The following PDZD2 variants were observed in gnomAD, a reference collection of about 807,000 sequenced individuals.
The protein encoded by PDZD2 is PDZ domain-containing protein 2.
Under a neutral mutation model 220.7 loss-of-function variants are expected in PDZD2, and 90 were observed. The ratio of observed to expected loss-of-function variants is 0.41; its 90% CI spans 0.34 to 0.49. PDZD2 has a LOEUF of 0.49. Among genes scored for constraint, PDZD2 ranks in the 20% least tolerant of loss-of-function variants. The pLI, the probability that PDZD2 is intolerant of heterozygous loss-of-function variation, is 0.28. For synonymous variants in PDZD2, 1,375 were observed against 1,450.5 expected (o/e 0.95, Z 1.18); for missense variants, 3,174 against 3,608.5 (o/e 0.88, Z 3.08).
chr5:31,957,686 G>A (rs952370329), intron 2 of PDZD2, among the ~76,000 whole-genome samples: 6 of 152,046 alleles, frequency 3.9e-5, no homozygotes, highest in African/African-American at 7.2e-5. Context: ...TATTATTCCC[G>A]TAAGAGAACC....
At chr5:31,699,260 C>G (rs1747511580) in intron 1 of PDZD2, among the ~76,000 whole-genome samples, 2 of 152,038 alleles carry the variant, frequency 1.3e-5, no homozygotes, top group Admixed American at 1.3e-4. Context: ...AGAAAAATCT[C>G]AAGAAGGTGG....
chr5:31,829,098 T>C (rs735603), intron 2 of PDZD2, among the ~76,000 whole-genome samples: 97,873 of 151,882 alleles, frequency 0.64, 32,192 homozygotes, highest in Non-Finnish European at 0.68. Flanking sequence ...TTTTGGGGGC[T>C]TCCAAACTTG....
At chr5:31,695,431 C>T (rs1030455696) in intron 1 of PDZD2, among the ~76,000 whole-genome samples, 2 of 152,222 alleles carry the variant, frequency 1.3e-5, no homozygotes, top group East Asian at 3.8e-4. Flanking sequence ...AATCTGACCT[C>T]ACACTTGTAC....
intron 1 of PDZD2, among the ~76,000 whole-genome samples, chr5:31,684,317 C>G (rs982999561): frequency 6.6e-6 from 1 of 152,110 alleles, no homozygotes; most frequent in African/African-American, 2.4e-5. Flanking sequence ...CATCATCTAC[C>G]CAGTTACTTT....
intron 18 of PDZD2, among the ~76,000 whole-genome samples, chr5:32,075,016 T>G (rs533755851): frequency 6.6e-6 from 1 of 152,126 alleles, no homozygotes; most frequent in Non-Finnish European, 1.5e-5. Flanking sequence ...TTCACCATAT[T>G]GGTCAGGCTG....
At chr5:32,029,315 A>G (rs1808403) in intron 6 of PDZD2, among the ~76,000 whole-genome samples, 127,028 of 133,300 alleles carry the variant, frequency 0.95, 60,705 homozygotes, top group African/African-American at 0.97. Context: ...TGCCAAAGGT[A>G]GTATCAAGAA....
At chr5:31,709,798 A>C (rs549579042) in intron 1 of PDZD2, among the ~76,000 whole-genome samples, 13 of 152,290 alleles carry the variant, frequency 8.5e-5, no homozygotes, top group Non-Finnish European at 1.2e-4. Context: ...TCTACTAAAA[A>C]TACACACATT....
At chr5:31,789,830 A>G (rs1753597886) in intron 1 of PDZD2, among the ~76,000 whole-genome samples, 1 of 152,050 alleles carries the variant, frequency 6.6e-6, no homozygotes, top group South Asian at 2.1e-4. Flanking sequence ...AGGCAAGAAA[A>G]TCACTTGAAC....
At chr5:31,772,112 T>C (rs1018174746) in intron 1 of PDZD2, among the ~76,000 whole-genome samples, 2 of 152,120 alleles carry the variant, frequency 1.3e-5, no homozygotes, top group African/African-American at 4.8e-5. Flanking sequence ...GTTCAGTTCT[T>C]TGTCCTCCAT....
intron 1 of PDZD2, among the ~76,000 whole-genome samples, chr5:31,764,334 A>G (rs769042823): frequency 6.0e-4 from 91 of 152,248 alleles, no homozygotes; most frequent in Middle Eastern, 3.4e-3. Flanking sequence ...ACGCCCCTTC[A>G]TCTTTACTTT....
intron 2 of PDZD2, among the ~76,000 whole-genome samples, chr5:31,887,045 A>G (rs528718772): frequency 1.6e-4 from 24 of 152,292 alleles, no homozygotes; most frequent in African/African-American, 5.5e-4. Flanking sequence ...AACCAGTGCC[A>G]GGCTGTGCCA....
chr5:31,799,809 A>G, intron 2 of PDZD2, 85 bp downstream of exon 2: 1 of 838,186 alleles, frequency 1.2e-6, no homozygotes, highest in South Asian at 1.5e-5. Context: ...AGGTTTATGA[A>G]TCCTGCCAAT....
At chr5:31,957,406 T>TA (rs1379673380) in intron 2 of PDZD2, among the ~76,000 whole-genome samples, 2 of 152,204 alleles carry the variant, frequency 1.3e-5, no homozygotes, top group Non-Finnish European at 2.9e-5. Context: ...CCTGGGGTGT[T>TA]ACGGGGCTGA....
At chr5:32,100,536 A>G (rs1230898762) in intron 23 of PDZD2, 5 of 326,642 alleles carry the variant, frequency 1.5e-5, no homozygotes, top group African/African-American at 6.5e-5. Flanking sequence ...GAAGACAGCC[A>G]TAGCCAGGGG....
At chr5:32,091,228 T>C (rs1397076949) in intron 20 of PDZD2, 53 bp downstream of exon 20, 2 of 1,373,034 alleles carry the variant, frequency 1.5e-6, no homozygotes, top group East Asian at 2.4e-5. Context: ...CATTTTGGAA[T>C]AGTTTTAGAT....
Position 32,059,262 on chromosome 5 carries a change from G to A in PDZD2, c.2224G>A (p.Gly742Ser). Residue 742 changes from glycine (G) to serine (S), a missense_variant, in exon 13 of 25, where the codon GGT (glycine) becomes AGT (serine). Gly to Ser is a moderately conservative substitution (Grantham distance 56, BLOSUM62 0). This residue lies in a region of PDZD2 where 1,861 missense variants were observed against 2,001.0 expected (regional missense o/e 0.93). Transcript: ENST00000438447. ...AGAGCCAAGAGTTGGATTAGGCATT[G>A]GTGCCTGCTGCTTGGCTCTGGAAAA... Reference protein sequence around the residue: ...NKEPRVGLGIGACCLALENSP... With the variant: ...NKEPRVGLGISACCLALENSP... The A allele has an allele frequency of 6.2e-7, 1 of 1,611,072 alleles. No individual in the cohort carries two copies. The highest frequency in any genetic ancestry group is 8.5e-7 in the Non-Finnish European group (1 of 1,177,242).
intron 5 of PDZD2, among the ~76,000 whole-genome samples, chr5:32,002,755 A>C (rs1308873496): frequency 2.0e-4 from 5 of 24,740 alleles, no homozygotes; most frequent in African/African-American, 4.9e-4. Context: ...CAACACACAC[A>C]CCCCACACAC....
chr5:31,780,323 A>G (rs2150208705), intron 1 of PDZD2, among the ~76,000 whole-genome samples: 1 of 152,168 alleles, frequency 6.6e-6, no homozygotes, highest in Middle Eastern at 3.4e-3. Context: ...GGGGGGCTTC[A>G]GCCTCTGCCT....
At position 32,037,934 on chromosome 5, in the gene PDZD2, C is replaced by T. The variant is rs563275142; in HGVS notation, c.1519+592C>T. On this transcript the variant is annotated intron_variant, in intron 7 of 24. Transcript: ENST00000438447. ...TCGGCTCACTACAACCTCCGCCTCC[C>T]GGGTTCAAGCAATTCTCCTGCCTCA... Among the ~76,000 whole-genome samples, 7 of 151,622 alleles carry T rather than the reference C, an allele frequency of 4.6e-5. No individual in the cohort carries two copies. The South Asian group carries it at 1.0e-3, about 23-fold the overall frequency.
Sources: allele counts gnomAD v4.1 joint callset (sites outside exome capture counted in the v4.1 genomes callset), GRCh38; gene constraint gnomAD v4.1.1; regional missense constraint gnomAD v4.1.1; transcripts MANE v1.5; gene names NCBI Gene and HGNC (gene_info 2026-07-23, HGNC 2026-07-21).